Variants in PHF20 observed in about 807,000 individuals in gnomAD.
PHF20 encodes PHD finger protein 20.
Under a neutral mutation model 113.5 loss-of-function variants are expected in PHF20, and 23 were observed. That is an observed-to-expected ratio of 0.20 (90% CI 0.15 to 0.29). The LOEUF is 0.29. Ranked by LOEUF, PHF20 falls within the 10% of genes least tolerant of loss-of-function variation. The pLI is 1.00. For missense variants in PHF20, 943 were observed against 1,219.6 expected, an observed-to-expected ratio of 0.77 and a Z score of 3.38; for synonymous variants, 434 against 457.3, an observed-to-expected ratio of 0.95 and a Z score of 0.65.
At chr20:35,938,322 G>T (rs1422228777) in intron 15 of PHF20, among the ~76,000 whole-genome samples, 6 of 152,174 alleles carry the variant, frequency 3.9e-5, no homozygotes, top group Non-Finnish European at 7.3e-5. Context: ...GTCCATTCAG[G>T]TTGGTTGAGG....
At chr20:35,911,079 C>T (rs1203967996) in intron 10 of PHF20, among the ~76,000 whole-genome samples, 1 of 150,708 alleles carries the variant, frequency 6.6e-6, no homozygotes, top group Admixed American at 6.6e-5. Flanking sequence ...CTTGCACTGT[C>T]GCCCAGGCTG....
intron 2 of PHF20, among the ~76,000 whole-genome samples, chr20:35,840,863 G>A (rs2042523390): frequency 6.6e-6 from 1 of 152,136 alleles, no homozygotes; most frequent in South Asian, 2.1e-4. Context: ...GGGAAATGTA[G>A]TTGTTGATTT....
chr20:35,844,909 CTG>C (rs2042596226), intron 3 of PHF20, among the ~76,000 whole-genome samples: 1 of 151,942 alleles, frequency 6.6e-6, no homozygotes, highest in Non-Finnish European at 1.5e-5. Flanking sequence ...CCATTTTAAA[CTG>C]TATAGTTTAA....
chr20:35,801,125 T>C (rs530553897), intron 1 of PHF20, among the ~76,000 whole-genome samples: 5 of 152,358 alleles, frequency 3.3e-5, no homozygotes, highest in African/African-American at 1.2e-4. Context: ...GTGTCTCTTT[T>C]GGTCTTGATT....
chr20:35,843,173 C>T (rs1029657943), intron 3 of PHF20, among the ~76,000 whole-genome samples: 1 of 151,926 alleles, frequency 6.6e-6, no homozygotes, highest in African/African-American at 2.4e-5. Context: ...AGAACACTGC[C>T]TGGCACATTG....
chr20:35,790,326 C>T (rs1002617953), intron 1 of PHF20, among the ~76,000 whole-genome samples: 4 of 151,702 alleles, frequency 2.6e-5, no homozygotes, highest in African/African-American at 9.7e-5. Context: ...TCAGCCTCCC[C>T]TGTAGGTGGG....
chr20:35,867,291 ACT>A (rs1215228736), intron 6 of PHF20, among the ~76,000 whole-genome samples: 1 of 151,850 alleles, frequency 6.6e-6, no homozygotes, highest in East Asian at 1.9e-4. Flanking sequence ...ATGGAGTCTT[ACT>A]CTGTCTCCCA....
intron 2 of PHF20, among the ~76,000 whole-genome samples, chr20:35,834,086 A>G (rs933495050): frequency 6.6e-6 from 1 of 151,776 alleles, no homozygotes. Context: ...AAATAAATAA[A>G]AAGGCGGGAG....
intron 2 of PHF20, among the ~76,000 whole-genome samples, chr20:35,803,029 G>A (rs1456471472): frequency 1.3e-5 from 2 of 150,804 alleles, no homozygotes; most frequent in Non-Finnish European, 2.9e-5. Flanking sequence ...TGAGGTGGGC[G>A]GATCACGAGG....
chr20:35,859,701 C>T (rs1040673504), intron 5 of PHF20, among the ~76,000 whole-genome samples: 19 of 152,114 alleles, frequency 1.2e-4, no homozygotes, highest in Middle Eastern at 3.4e-3. Flanking sequence ...CGTGCCACCA[C>T]GCCCGGCTCA....
At chr20:35,927,704 C>T in intron 13 of PHF20, 76 bp from the exon 14 acceptor site, 1 of 1,113,996 alleles carries the variant, frequency 9.0e-7, no homozygotes, top group Admixed American at 1.7e-5. Flanking sequence ...TGCCCCTCCC[C>T]TCAGCAGGTG....
At position 35,801,576 on chromosome 20, in the gene PHF20, G is replaced by C. The variant is rs2041782406; in HGVS notation, c.54G>C (p.Gln18His). The C allele has an allele frequency of 6.2e-6, 10 of 1,613,638 alleles. No homozygotes were observed. Among genetic ancestry groups the C allele is most frequent in the Non-Finnish European group, 8.5e-6 (10 of 1,179,598 alleles). Residue 18 changes from glutamine (Q) to histidine (H), a missense_variant, in exon 2 of 18, where the codon CAG becomes CAC. Physicochemically the swap from Gln to His is conservative, Grantham distance 24. This residue lies in a region of PHF20 where 592 missense variants were observed against 787.2 expected (regional missense o/e 0.75). Coordinates refer to ENST00000374012, the MANE Select transcript of PHF20 (RefSeq NM_016436.5). ...RRGISFEVGA[Q>H]LEARDRLKNW... ...GAATCAGCTTTGAAGTGGGAGCCCA[G>C]TTGGAAGCCCGGGACCGTTTAAAAA... is the stretch of plus-strand genomic sequence containing the variant.
intron 13 of PHF20, among the ~76,000 whole-genome samples, chr20:35,922,057 A>G (rs1452690901): frequency 6.6e-6 from 1 of 152,216 alleles, no homozygotes; most frequent in Non-Finnish European, 1.5e-5. Context: ...TGAAGAAACT[A>G]ATTTCGGGGC....
At chr20:35,928,044 A>C (rs1371610085) in intron 14 of PHF20, among the ~76,000 whole-genome samples, 165 bp downstream of exon 14, 3 of 152,176 alleles carry the variant, frequency 2.0e-5, no homozygotes, top group Admixed American at 6.5e-5. Flanking sequence ...GTGGCCAGCT[A>C]TCCTGAACGT....
chr20:35,847,467 A>G (rs1345402885), intron 4 of PHF20, 33 bp downstream of exon 4: 3 of 1,359,042 alleles, frequency 2.2e-6, no homozygotes, highest in East Asian at 2.3e-5. Context: ...GTTTTTACTC[A>G]TGACTTAGGT....
intron 1 of PHF20, among the ~76,000 whole-genome samples, chr20:35,772,404 G>C (rs975644604): frequency 1.3e-5 from 2 of 152,164 alleles, no homozygotes; most frequent in Non-Finnish European, 2.9e-5. Context: ...TTGGGGGTGC[G>C]GGTAAGCCCT....
At chr20:35,815,745 G>A (rs2042062316) in intron 2 of PHF20, among the ~76,000 whole-genome samples, 2 of 151,856 alleles carry the variant, frequency 1.3e-5, no homozygotes, top group South Asian at 2.1e-4. Context: ...GATTACAGGC[G>A]TCAGCCACCG....
At chr20:35,793,534 A>G (rs1205300108) in intron 1 of PHF20, among the ~76,000 whole-genome samples, 11 of 149,340 alleles carry the variant, frequency 7.4e-5, no homozygotes, top group Admixed American at 6.1e-4. Flanking sequence ...TCCTGACCTC[A>G]GGTGATCCAC....
At position 35,888,053 on chromosome 20, in the gene PHF20, C is replaced by T. The variant is rs1257305988; in HGVS notation, c.1283-11317C>T. Among the ~76,000 whole-genome samples the T allele has an allele frequency of 3.3e-5, 5 of 151,212 alleles. No individual in the cohort carries two copies. The East Asian group carries it at 7.7e-4, about 23-fold the overall frequency. On this transcript the variant is annotated intron_variant, in intron 9 of 17. Coordinates refer to ENST00000374012, the MANE Select transcript of PHF20 (RefSeq NM_016436.5). ...TGGAGTGCAATGGTGCGATCTCGGC[C>T]CACCGCAACCTCCGCCTCCCTGGTT...
Sources: allele counts gnomAD v4.1 joint callset (sites outside exome capture counted in the v4.1 genomes callset), GRCh38; gene constraint gnomAD v4.1.1; regional missense constraint gnomAD v4.1.1; transcripts MANE v1.5; gene names NCBI Gene and HGNC (gene_info 2026-07-23, HGNC 2026-07-21).